TBL3: variants seen among roughly 807,000 people sequenced by gnomAD.
The protein encoded by TBL3 is transducin beta-like protein 3.
TBL3 carries 71 observed loss-of-function variants against 102.7 expected under a neutral mutation model. The ratio of observed to expected loss-of-function variants is 0.69; its 90% CI spans 0.57 to 0.84. The LOEUF is 0.84. Among genes scored for constraint, TBL3 ranks in the 40% least tolerant of loss-of-function variants. The probability of loss-of-function intolerance (pLI) is 0.00; values close to 1 mark genes in which losing one functional copy is unlikely to be tolerated. For synonymous variants in TBL3, 578 were observed against 477.7 expected, an observed-to-expected ratio of 1.21 and a Z score of -2.74; for missense variants, 1,188 against 1,098.5, an observed-to-expected ratio of 1.08 and a Z score of -1.15.
chr16:1,980,518 G>A lies in TBL3; in HGVS notation c.*1833G>A, dbSNP rs765720641. Reference sequence around the variant, plus strand: ...AGGCGCGCCAGGCCGCGGCTCGTGCGCCCCACGCGTCCCAACAGTGGTGCA... The same window carrying A: ...AGGCGCGCCAGGCCGCGGCTCGTGCACCCCACGCGTCCCAACAGTGGTGCA... On this transcript the variant is annotated 3_prime_UTR_variant, in exon 22 of 22. Transcript: ENST00000568546. 8 of 1,603,002 alleles carry A rather than the reference G, an allele frequency of 5.0e-6. No individual in the cohort carries two copies. The South Asian group carries it at 7.7e-5, about 15-fold the overall frequency.
At position 1,974,060 on chromosome 16, in the gene TBL3, G is replaced by A; in HGVS notation, c.46G>A (p.Ala16Thr). 1 of 1,574,404 alleles carries A rather than the reference G, an allele frequency of 6.4e-7. No homozygotes were observed. The highest frequency in any genetic ancestry group is 8.7e-7 in the Non-Finnish European group (1 of 1,154,056). Residue 16 changes from alanine to threonine, a missense_variant, in exon 2 of 22, where the codon GCT becomes ACT. Physicochemically the swap from Ala to Thr is moderately conservative, Grantham distance 58. Coordinates refer to ENST00000568546, the MANE Select transcript of TBL3 (RefSeq NM_006453.3). ...AGVGRFKTNY[A>T]VERKIEPFYK... ...CGCCTCCCGCTCTCCTTCCAGCTATGCTGTGGAGCGCAAAATTGAGCCTTT... is the reference window on the plus strand; with the variant it reads ...CGCCTCCCGCTCTCCTTCCAGCTATACTGTGGAGCGCAAAATTGAGCCTTT...
rs2083375864 is a variant in TBL3, at chr16:1,973,559, G to T, written c.42-497G>T. On this transcript the variant is annotated intron_variant, in intron 1 of 21. Coordinates refer to ENST00000568546, the MANE Select transcript of TBL3 (RefSeq NM_006453.3). ...GGCAGTGGAGAAGGAAGGAGAAGGG[G>T]CACGAGTGAGGTCACAGAAATGACA... is the stretch of plus-strand genomic sequence containing the variant. Among the ~76,000 whole-genome samples the T allele has an allele frequency of 2.6e-5, 4 of 152,338 alleles. No individual in the cohort carries two copies. The South Asian group carries it at 8.3e-4, about 32-fold the overall frequency.
rs1315683717 is a variant in TBL3 at position 1,976,792 on chromosome 16, C to T, written c.1293-22C>T. The T allele has an allele frequency of 3.1e-6, 5 of 1,612,292 alleles. No homozygotes were observed. The South Asian group carries it at 5.5e-5, about 18-fold the overall frequency. On this transcript the variant is annotated intron_variant, in intron 13 of 21. Coordinates refer to ENST00000568546, the MANE Select transcript of TBL3 (RefSeq NM_006453.3). ...GCTGGCTGGGGCTCAGCTGTGTCTCCTCCTCTCCTGTTGGGTCACAGGCTG... is the reference window on the plus strand; with the variant it reads ...GCTGGCTGGGGCTCAGCTGTGTCTCTTCCTCTCCTGTTGGGTCACAGGCTG...
At position 1,978,943 on chromosome 16, in the gene TBL3, GAA is replaced by G; in HGVS notation, c.*259_*260del. On this transcript the variant is annotated 3_prime_UTR_variant, in exon 22 of 22. Transcript: ENST00000568546. The stretch of plus-strand genomic sequence containing the variant: ...CATGCAGAACAAGCTTTACTCAGAG[GAA>G]CAGCAAATGGCCCCCTCCCATCCCT... 1 of 1,199,748 alleles carries G rather than the reference GAA, an allele frequency of 8.3e-7. No homozygotes were observed. The highest frequency in any genetic ancestry group is 1.2e-6 in the Non-Finnish European group (1 of 866,928). The allele number at this position is 1,199,748 out of a possible 1,614,324, so 74.3% of individuals were successfully genotyped here. A position where few individuals can be genotyped will look rare whatever the true frequency, so the allele number is the denominator to read the frequency against.
intron 15 of TBL3, 24 bp downstream of exon 15, chr16:1,977,308 C>A (rs866831158): frequency 6.2e-7 from 1 of 1,613,398 alleles, no homozygotes; most frequent in Middle Eastern, 1.6e-4. Flanking sequence ...CAGACCCTCC[C>A]CACTTCCCGC....
At position 1,980,045 on chromosome 16, in the gene TBL3, G is replaced by A. The variant is rs1162882655; in HGVS notation, c.*1360G>A. The stretch of plus-strand genomic sequence containing the variant: ...TCCAGGCTCTCCTGGGCCTGCGCCT[G>A]AAAAGGCCTATCCCGCGTGTCCTGG... On this transcript the variant is annotated 3_prime_UTR_variant, in exon 22 of 22. Coordinates refer to ENST00000568546, the MANE Select transcript of TBL3 (RefSeq NM_006453.3). 5.0e-6 allele frequency: 8 copies of A among 1,607,000 alleles called. No individual in the cohort carries two copies. Among genetic ancestry groups the A allele is most frequent in the African/African-American group, 4.0e-5 (3 of 74,900 alleles).
At chr16:1,977,449 G>A in intron 16 of TBL3, 23 bp downstream of exon 16, 1 of 1,610,842 alleles carries the variant, frequency 6.2e-7, no homozygotes, top group East Asian at 2.2e-5. Flanking sequence ...GGGTGGGGCA[G>A]CGATGGAGTG....
rs1276417046 is a variant in TBL3, at chr16:1,979,320, G to A, written c.*635G>A. Reference sequence around the variant, plus strand: ...CAGCCCTTCCGGCCGCAGCAGCACCGCGGGGAGTAGGCCCGCCCGGTCGCC... The same window carrying A: ...CAGCCCTTCCGGCCGCAGCAGCACCACGGGGAGTAGGCCCGCCCGGTCGCC... On this transcript the variant is annotated 3_prime_UTR_variant, in exon 22 of 22. Transcript: ENST00000568546. 4 of 1,573,158 alleles carry A rather than the reference G, an allele frequency of 2.5e-6. No homozygotes were observed. The highest frequency in any genetic ancestry group is 2.6e-6 in the Non-Finnish European group (3 of 1,167,194).
At position 1,978,996 on chromosome 16, in the gene TBL3, C is replaced by G. The variant is rs79976559; in HGVS notation, c.*311C>G. ...GCTGGCCAGGGAGATCCGCCCTCCC[C>G]GCTCCTCCCCAGCCCTGGGATGGCG... On this transcript the variant is annotated 3_prime_UTR_variant, in exon 22 of 22. Transcript: ENST00000568546. 1.0e-3 allele frequency: 1,496 copies of G among 1,475,776 alleles called. 10 individuals carry two copies. In the African/African-American group the frequency reaches 0.02, roughly 19 times the overall value. The allele number at this position is 1,475,776 out of a possible 1,614,324, so 91.4% of individuals were successfully genotyped here. A position where few individuals can be genotyped will look rare whatever the true frequency, so the allele number is the denominator to read the frequency against.
In TBL3 at chr16:1,980,630, C is replaced by A. The variant is rs781627595; in HGVS notation, c.*1945C>A. On this transcript the variant is annotated 3_prime_UTR_variant, in exon 22 of 22. Transcript: ENST00000568546. ...CCCCCAGGCAAGCCACCGCCTTCCC[C>A]GCTCCCGTACCCAGGCTGGCCTGAC... 1 of 1,597,684 alleles carries A rather than the reference C, an allele frequency of 6.3e-7. No homozygotes were observed. The highest frequency in any genetic ancestry group is 8.5e-7 in the Non-Finnish European group (1 of 1,171,586).
In TBL3 at chr16:1,981,049, G is replaced by A; in HGVS notation, c.*2364G>A. 6.2e-7 allele frequency: 1 copy of A among 1,611,742 alleles called. No individual in the cohort carries two copies. Among genetic ancestry groups the A allele is most frequent in the Non-Finnish European group, 8.5e-7 (1 of 1,178,492 alleles). On this transcript the variant is annotated 3_prime_UTR_variant, in exon 22 of 22. Coordinates refer to ENST00000568546, the MANE Select transcript of TBL3 (RefSeq NM_006453.3). The stretch of plus-strand genomic sequence containing the variant: ...GGGACAAAAAGTTGGGAGTGCCGTG[G>A]AGGTGCTGGTCCAGGCACCCCCTTC...
chr16:1,981,485 G>C lies in TBL3; in HGVS notation c.*2800G>C, dbSNP rs529992481. ...GTGCAAGACTGAAGAAGGGGCGAAG[G>C]GTAGGCGGGACTGCTGCCTGGGGCC... On this transcript the variant is annotated 3_prime_UTR_variant, in exon 22 of 22. Transcript: ENST00000568546. The C allele has an allele frequency of 4.2e-5, 21 of 505,032 alleles. No homozygotes were observed. In the South Asian group the frequency reaches 5.8e-4, roughly 14 times the overall value. 31.3% of individuals were successfully genotyped at this position (505,032 alleles called of 1,614,324 possible). A position where few individuals can be genotyped will look rare whatever the true frequency, so the allele number is the denominator to read the frequency against.
chr16:1,980,059 C>T lies in TBL3; in HGVS notation c.*1374C>T, dbSNP rs1205661057. The T allele has an allele frequency of 1.2e-6, 2 of 1,607,550 alleles. No individual in the cohort carries two copies. The highest frequency in any genetic ancestry group is 1.7e-6 in the Non-Finnish European group (2 of 1,178,392). ...GGCCTGCGCCTGAAAAGGCCTATCC[C>T]GCGTGTCCTGGGTACAGAAGGGCTG... is the stretch of plus-strand genomic sequence containing the variant. On this transcript the variant is annotated 3_prime_UTR_variant, in exon 22 of 22. Transcript: ENST00000568546.
Position 1,978,238 on chromosome 16 carries a change from G to T in TBL3, c.2134+18G>T, listed in dbSNP as rs1797812600. ...CCAGAAAGGTTGGCGGCCAGTCAGG[G>T]TGGGTGGCCCGGTGGGCAAGGGCCA... On this transcript the variant is annotated intron_variant, in intron 20 of 21. Transcript: ENST00000568546. 6.2e-7 allele frequency: 1 copy of T among 1,612,774 alleles called. No individual in the cohort carries two copies. Among genetic ancestry groups the T allele is most frequent in the South Asian group, 1.1e-5 (1 of 91,066 alleles).
rs1406345245 is a variant in TBL3 at position 1,978,419 on chromosome 16, G to C, written c.2241G>C (p.Leu747=). 6.2e-7 allele frequency: 1 copy of C among 1,611,052 alleles called. No homozygotes were observed. Among genetic ancestry groups the C allele is most frequent in the African/African-American group, 1.3e-5 (1 of 74,892 alleles). ...TGAGGCGAGAGGCCCCCGAGGAGCT[G>C]CTGGCCTACGAAGGCGTGCGGGCAG... ...VLLRREAPEE[L]LAYEGVRAAL... Residue 747 remains leucine (L), a synonymous_variant, in exon 21 of 22, where the codon CTG becomes CTC. Coordinates refer to ENST00000568546, the MANE Select transcript of TBL3 (RefSeq NM_006453.3).
Position 1,981,273 on chromosome 16 carries a change from C to T in TBL3, c.*2588C>T, listed in dbSNP as rs1253417150. The T allele has an allele frequency of 6.4e-7, 1 of 1,562,598 alleles. No homozygotes were observed. Among genetic ancestry groups the T allele is most frequent in the African/African-American group, 1.4e-5 (1 of 73,464 alleles). On this transcript the variant is annotated 3_prime_UTR_variant, in exon 22 of 22. Coordinates refer to ENST00000568546, the MANE Select transcript of TBL3 (RefSeq NM_006453.3). ...GGCTCTGGGGGACCCAGAAAACCCC[C>T]TGGGATAGAATCCTGGCAACACCTC...
In TBL3 at chr16:1,980,577, C is replaced by A. The variant is rs767195041; in HGVS notation, c.*1892C>A. 2 of 1,595,746 alleles carry A rather than the reference C, an allele frequency of 1.3e-6. No individual in the cohort carries two copies. Among genetic ancestry groups the A allele is most frequent in the Non-Finnish European group, 1.7e-6 (2 of 1,169,906 alleles). The stretch of plus-strand genomic sequence containing the variant: ...CACCACAAAAACGTACTGTGATACG[C>A]CGCTTTGGGCTTCACTGGTCCCTGG... On this transcript the variant is annotated 3_prime_UTR_variant, in exon 22 of 22. Coordinates refer to ENST00000568546, the MANE Select transcript of TBL3 (RefSeq NM_006453.3).
rs2083506089 is a variant in TBL3, at chr16:1,981,333, G to A, written c.*2648G>A. On this transcript the variant is annotated 3_prime_UTR_variant, in exon 22 of 22. Transcript: ENST00000568546. ...GGGTCCTTGTGGAGCCGCCCCAGCTGAGTCCTTTGCAGCTTTCTTGCTGTC... is the reference window on the plus strand; with the variant it reads ...GGGTCCTTGTGGAGCCGCCCCAGCTAAGTCCTTTGCAGCTTTCTTGCTGTC... The A allele has an allele frequency of 2.8e-6, 4 of 1,443,832 alleles. No homozygotes were observed. Among genetic ancestry groups the A allele is most frequent in the Middle Eastern group, 5.1e-4 (2 of 3,908 alleles). 89.4% of individuals were successfully genotyped at this position (1,443,832 alleles called of 1,614,324 possible). A position where few individuals can be genotyped will look rare whatever the true frequency, so the allele number is the denominator to read the frequency against.
In TBL3 at chr16:1,978,876, A is replaced by T; in HGVS notation, c.*191A>T. The T allele has an allele frequency of 9.3e-7, 1 of 1,071,302 alleles. No individual in the cohort carries two copies. The highest frequency in any genetic ancestry group is 1.3e-6 in the Non-Finnish European group (1 of 755,742). The allele number at this position is 1,071,302 out of a possible 1,614,324, so 66.4% of individuals were successfully genotyped here. ...CGCCCATCCCGCACCCTGGCCTGGC[A>T]GAGATCCAGCCCGCGGCTCCGCACG... On this transcript the variant is annotated 3_prime_UTR_variant, in exon 22 of 22. Coordinates refer to ENST00000568546, the MANE Select transcript of TBL3 (RefSeq NM_006453.3).
Sources: allele counts gnomAD v4.1 joint callset (sites outside exome capture counted in the v4.1 genomes callset), GRCh38; gene constraint gnomAD v4.1.1; transcripts MANE v1.5; gene names NCBI Gene and HGNC (gene_info 2026-07-23, HGNC 2026-07-21).